Variants in HEATR5B observed in about 807,000 individuals in gnomAD.
HEATR5B encodes the protein HEAT repeat containing 5B.
Under a neutral mutation model 224.1 loss-of-function variants are expected in HEATR5B, and 156 were observed. The observed-to-expected ratio is 0.70, with a 90% CI of 0.61 to 0.80. The LOEUF is 0.80. Ranked by LOEUF, HEATR5B falls within the 30% of genes least tolerant of loss-of-function variation. The pLI, the probability that HEATR5B is intolerant of heterozygous loss-of-function variation, is 0.00. For missense variants in HEATR5B, 2,323 were observed against 2,535.5 expected, an observed-to-expected ratio of 0.92 and a Z score of 1.80; for synonymous variants, 1,027 against 893.0, an observed-to-expected ratio of 1.15 and a Z score of -2.68.
chr2:37,041,758 T>TTAATAA (rs3084396), intron 18 of HEATR5B, among the ~76,000 whole-genome samples: 5 of 149,368 alleles, frequency 3.3e-5, no homozygotes, highest in South Asian at 4.2e-4. Flanking sequence ...AATAATAATA[T>TTAATAA]TAATAATAAT....
At chr2:37,003,275 A>G (rs2148379696) in intron 31 of HEATR5B, among the ~76,000 whole-genome samples, 1 of 150,782 alleles carries the variant, frequency 6.6e-6, no homozygotes, top group East Asian at 1.9e-4. Context: ...AAAAAAAAAA[A>G]AAAAAAAAAA....
intron 14 of HEATR5B, among the ~76,000 whole-genome samples, chr2:37,057,704 C>CA (rs1670999751): frequency 6.6e-6 from 1 of 151,736 alleles, no homozygotes; most frequent in Non-Finnish European, 1.5e-5. Context: ...TTAAAATAAC[C>CA]AAAAAACTCA....
At chr2:37,072,668 A>T (rs898807712) in intron 5 of HEATR5B, among the ~76,000 whole-genome samples, 2 of 152,176 alleles carry the variant, frequency 1.3e-5, no homozygotes, top group African/African-American at 4.8e-5. Context: ...CATGACTAGG[A>T]AACTAACAAA....
Position 37,007,122 on chromosome 2 carries a change from G to A in HEATR5B, c.4705C>T (p.Gln1569Ter), listed in dbSNP as rs1159488386. Residue 1569 changes from glutamine to a stop codon, truncating the protein, a stop_gained, in exon 29 of 36, where the codon CAG becomes TAG. Transcript: ENST00000233099. LOFTEE classifies it high-confidence loss of function. ...GCACTACCCACTGCTCCTGATGCCT[G>A]GTTTAAATTGACAGATGTAGAACGT... ...QKRSTSVNLNQASGAVGSAKS... is the reference protein window; with the variant it reads ...QKRSTSVNLN 6.2e-7 allele frequency: 1 copy of A among 1,614,010 alleles called. No individual in the cohort carries two copies. The highest frequency in any genetic ancestry group is 8.5e-7 in the Non-Finnish European group (1 of 1,179,962).
intron 4 of HEATR5B, 103 bp downstream of exon 4, chr2:37,076,808 C>T: frequency 2.5e-6 from 2 of 793,430 alleles, no homozygotes; most frequent in Admixed American, 2.4e-5. Context: ...CCTTGCTAAG[C>T]AATATGAGAC....
intron 35 of HEATR5B, among the ~76,000 whole-genome samples, chr2:36,982,689 G>T (rs1383089899): frequency 6.6e-6 from 1 of 151,924 alleles, no homozygotes; most frequent in East Asian, 1.9e-4. Flanking sequence ...CAGAATCCCA[G>T]TTCCACCCTG....
chr2:36,995,247 A>C (rs558012797), intron 33 of HEATR5B, among the ~76,000 whole-genome samples: 77 of 149,556 alleles, frequency 5.1e-4, no homozygotes, highest in African/African-American at 1.6e-3. Flanking sequence ...ATGCCACCAC[A>C]CCCCGCTAAA....
At chr2:37,046,345 A>G (rs1171281489) in intron 18 of HEATR5B, among the ~76,000 whole-genome samples, 1 of 152,198 alleles carries the variant, frequency 6.6e-6, no homozygotes, top group Non-Finnish European at 1.5e-5. Flanking sequence ...CCTCATTAAA[A>G]GTCAAGAGAT....
At chr2:37,031,811 C>T (rs1342595166) in intron 22 of HEATR5B, among the ~76,000 whole-genome samples, 2 of 152,120 alleles carry the variant, frequency 1.3e-5, no homozygotes, top group Non-Finnish European at 2.9e-5. Flanking sequence ...AAATTTCCCT[C>T]ATAATAGGGG....
Position 37,007,047 on chromosome 2 carries a change from T to C in HEATR5B, c.4777+3A>G. 6.2e-7 allele frequency: 1 copy of C among 1,613,068 alleles called. No homozygotes were observed. Among genetic ancestry groups the C allele is most frequent in the Non-Finnish European group, 8.5e-7 (1 of 1,179,056 alleles). On this transcript the variant is annotated splice_donor_region_variant and intron_variant, in intron 29 of 35. Coordinates refer to ENST00000233099, the MANE Select transcript of HEATR5B (RefSeq NM_019024.3). ...TTGAAATATATTAATATGACAGACC[T>C]ACCTAAAATCAGATGCATTCTGTCT...
chr2:37,072,995 G>T (rs1016953861), intron 5 of HEATR5B, among the ~76,000 whole-genome samples: 10 of 152,114 alleles, frequency 6.6e-5, no homozygotes, highest in Non-Finnish European at 1.3e-4. Flanking sequence ...AACTCTAGGA[G>T]ATGCCTACAC....
intron 30 of HEATR5B, among the ~76,000 whole-genome samples, chr2:37,004,309 TCCTAA>T (rs1667275249): frequency 6.6e-6 from 1 of 151,254 alleles, no homozygotes; most frequent in Admixed American, 6.6e-5. Flanking sequence ...TGTGCTCCTA[TCCTAA>T]CCTATTTGAC....
chr2:37,057,839 T>C (rs1671009976), intron 14 of HEATR5B, among the ~76,000 whole-genome samples: 1 of 152,150 alleles, frequency 6.6e-6, no homozygotes, highest in Non-Finnish European at 1.5e-5. Context: ...CAAGACCCTG[T>C]CTGAAAGACA....
At chr2:37,008,190 CACTGATTTTGATAAGAAA>C (rs1418498825) in intron 28 of HEATR5B, 4 of 171,068 alleles carry the variant, frequency 2.3e-5, no homozygotes, top group Non-Finnish European at 3.8e-5. Flanking sequence ...ACGATTTCTA[CACTGATTTTGATAAGAAA>C]ACTAAAGTAC....
chr2:37,010,292 G>C (rs1348793526), intron 27 of HEATR5B, among the ~76,000 whole-genome samples: 1 of 151,982 alleles, frequency 6.6e-6, no homozygotes, highest in African/African-American at 2.4e-5. Context: ...TGTACCTAAC[G>C]AGAAAGCCTA....
intron 4 of HEATR5B, chr2:37,076,287 A>C (rs1258003913): frequency 6.6e-6 from 1 of 152,320 alleles, no homozygotes; most frequent in Non-Finnish European, 1.5e-5. Flanking sequence ...GAATAGACAA[A>C]TAGTTCCCAG....
chr2:37,052,375 G>C (rs1199507694), intron 17 of HEATR5B, among the ~76,000 whole-genome samples: 1 of 152,098 alleles, frequency 6.6e-6, no homozygotes, highest in Non-Finnish European at 1.5e-5. Context: ...TTCTGTTCAT[G>C]CCTTCTACTC....
At chr2:37,076,806 A>G in intron 4 of HEATR5B, 105 bp downstream of exon 4, 1 of 771,960 alleles carries the variant, frequency 1.3e-6, no homozygotes, top group Non-Finnish European at 2.2e-6. Flanking sequence ...CTCCTTGCTA[A>G]GCAATATGAG....
chr2:37,072,598 A>C (rs1168085560), intron 5 of HEATR5B, among the ~76,000 whole-genome samples: 1 of 152,214 alleles, frequency 6.6e-6, no homozygotes, highest in East Asian at 1.9e-4. Flanking sequence ...TTAAAAAACT[A>C]GATGAAGGAG....
Sources: gnomAD v4.1 joint callset for allele counts (sites outside exome capture counted in the v4.1 genomes callset) on GRCh38, gnomAD v4.1.1 for gene constraint, MANE v1.5 for transcripts, NCBI Gene and HGNC (gene_info 2026-07-23, HGNC 2026-07-21) for gene names.